FNDC1: variants seen among roughly 807,000 people sequenced by gnomAD.
FNDC1 encodes the protein fibronectin type III domain-containing protein 1.
FNDC1 carries 96 observed loss-of-function variants against 168.0 expected under a neutral mutation model. That is an observed-to-expected ratio of 0.57 (90% CI 0.48 to 0.68). The LOEUF (loss-of-function observed/expected upper bound fraction) is 0.68, where lower values mean the gene tolerates loss of function less well. Among genes scored for constraint, FNDC1 ranks in the 30% least tolerant of loss-of-function variants. FNDC1 has a pLI of 0.00. For missense variants in FNDC1, 2,587 were observed against 2,482.1 expected, an observed-to-expected ratio of 1.04 and a Z score of -0.90; for synonymous variants, 1,099 against 1,025.9, an observed-to-expected ratio of 1.07 and a Z score of -1.36.
chr6:159,201,493 T>C (rs1212003605), intron 4 of FNDC1, among the ~76,000 whole-genome samples: 1 of 152,172 alleles, frequency 6.6e-6, no homozygotes, highest in Non-Finnish European at 1.5e-5. Flanking sequence ...GCAACAGAAA[T>C]GTCTTGTAGC....
intron 1 of FNDC1, among the ~76,000 whole-genome samples, chr6:159,178,551 G>A (rs1781815167): frequency 6.6e-6 from 1 of 152,014 alleles, no homozygotes; most frequent in Non-Finnish European, 1.5e-5. Context: ...ACCTAATGTA[G>A]CCATATTTAC....
chr6:159,177,986 A>G (rs892317506), intron 1 of FNDC1, among the ~76,000 whole-genome samples: 1 of 152,216 alleles, frequency 6.6e-6, no homozygotes, highest in African/African-American at 2.4e-5. Context: ...TTCCTGTTCA[A>G]TTATAAGAAG....
Position 159,233,649 on chromosome 6 carries a change from A to T in FNDC1, c.3137A>T (p.Gln1046Leu). ...TQAGRPRPTS[Q>L]GRSHSSSDPY... Reference sequence around the variant, plus strand: ...GCCGGGCGGCCCCGCCCCACGTCGCAGGGCCGCTCCCACTCCTCCTCGGAC... The same window carrying T: ...GCCGGGCGGCCCCGCCCCACGTCGCTGGGCCGCTCCCACTCCTCCTCGGAC... The change falls in exon 11 of 23, where the codon CAG becomes CTG. Residue 1046 changes from glutamine (Q) to leucine (L), a missense_variant. By Grantham distance (113) the Gln-to-Leu change is moderately radical. Transcript: ENST00000297267. The surrounding 1 kb of genome is among the most constrained non-coding windows in gnomAD (Gnocchi z 4.6). The T allele has an allele frequency of 6.4e-7, 1 of 1,553,240 alleles. No homozygotes were observed.
At chr6:159,260,374 G>A (rs2115025640) in intron 18 of FNDC1, among the ~76,000 whole-genome samples, 1 of 152,306 alleles carries the variant, frequency 6.6e-6, no homozygotes, top group South Asian at 2.1e-4. Flanking sequence ...TCGAGACTCA[G>A]TCTCTCTCCA....
In FNDC1 at chr6:159,221,498, G is replaced by A. The variant is rs1782824005; in HGVS notation, c.668-100G>A. ...CCAGAAAGAGGAAACGGAAAAAGGG[G>A]AAGGGGAGGAGGAATGCAGAACCCC... On this transcript the variant is annotated intron_variant, in intron 5 of 22. Coordinates refer to ENST00000297267, the MANE Select transcript of FNDC1 (RefSeq NM_032532.3). 13 of 890,780 alleles carry A rather than the reference G, an allele frequency of 1.5e-5. No individual in the cohort carries two copies. In the Admixed American group the frequency reaches 2.6e-4, roughly 18 times the overall value. The allele number at this position is 890,780 out of a possible 1,614,324, so 55.2% of individuals were successfully genotyped here.
In FNDC1 at chr6:159,233,346, T is replaced by C. The variant is rs781461138; in HGVS notation, c.2834T>C (p.Leu945Pro). The C allele has an allele frequency of 1.2e-6, 2 of 1,613,930 alleles. No individual in the cohort carries two copies. Among genetic ancestry groups the C allele is most frequent in the Admixed American group, 3.3e-5 (2 of 60,014 alleles). Reference sequence around the variant, plus strand: ...CATCCTCAGGGCAAGTACTCCTCCCTGGCCTCCAAGGCTCAGGATGTTCAA... The same window carrying C: ...CATCCTCAGGGCAAGTACTCCTCCCCGGCCTCCAAGGCTCAGGATGTTCAA... ...DTHPQGKYSS[L>P]ASKAQDVQQS... The change falls in exon 11 of 23, where the codon CTG (leucine) becomes CCG (proline). Residue 945 changes from leucine to proline, a missense_variant. Leu to Pro is a moderately conservative substitution (Grantham distance 98). Coordinates refer to ENST00000297267, the MANE Select transcript of FNDC1 (RefSeq NM_032532.3). This position sits in a 1 kb window ranked among gnomAD's most constrained non-coding sequence, Gnocchi z 4.6.
Position 159,249,191 on chromosome 6 carries a change from A to C in FNDC1, c.4834+9A>C. 6.2e-7 allele frequency: 1 copy of C among 1,605,660 alleles called. No homozygotes were observed. The highest frequency in any genetic ancestry group is 1.1e-5 in the South Asian group (1 of 88,814). On this transcript the variant is annotated intron_variant, in intron 16 of 22. Coordinates refer to ENST00000297267, the MANE Select transcript of FNDC1 (RefSeq NM_032532.3). ...AAGGAAACGATTTGTTGGTAAATAT[A>C]ATGTCCTTAATCAGAGAAACATGGG...
intron 22 of FNDC1, among the ~76,000 whole-genome samples, chr6:159,268,825 TATCTATCTATC>T (rs1562315367): frequency 3.3e-3 from 100 of 30,732 alleles, no homozygotes; most frequent in Admixed American, 5.5e-3. Context: ...TCTATTCATC[TATCTATCTATC>T]TATCTATCTA....
At chr6:159,259,322 G>T (rs1777432590) in intron 18 of FNDC1, among the ~76,000 whole-genome samples, 1 of 152,164 alleles carries the variant, frequency 6.6e-6, no homozygotes, top group Non-Finnish European at 1.5e-5. Context: ...GTTTTAATGG[G>T]AATATGTCTT....
rs1562315665 is a variant in FNDC1 at position 159,269,237 on chromosome 6, C to CCA, written c.5569+1311_5569+1312insCA. Among the ~76,000 whole-genome samples the CCA allele has an allele frequency of 8.1e-4, 113 of 138,914 alleles. 1 individual carries two copies. The highest frequency in any genetic ancestry group is 2.6e-3 in the African/African-American group (87 of 34,078). The allele number at this position is 138,914 out of a possible 152,430, so 91.1% of individuals were successfully genotyped here. A position where few individuals can be genotyped will look rare whatever the true frequency, so the allele number is the denominator to read the frequency against. The stretch of plus-strand genomic sequence containing the variant: ...TCTATCTATCTATCTATCTATCTAT[C>CCA]TATCTATCTATCCATCTATCATCTA... On this transcript the variant is annotated intron_variant, in intron 22 of 22. Coordinates refer to ENST00000297267, the MANE Select transcript of FNDC1 (RefSeq NM_032532.3).
intron 1 of FNDC1, among the ~76,000 whole-genome samples, chr6:159,181,168 G>A (rs995445612): frequency 1.3e-5 from 2 of 151,936 alleles, no homozygotes; most frequent in Non-Finnish European, 2.9e-5. Context: ...CTTAATAATC[G>A]CCATTCTGAC....
At chr6:159,171,745 CTGGTATGATACATTTTTCTAAA>C (rs1781666338) in intron 1 of FNDC1, among the ~76,000 whole-genome samples, 1 of 152,182 alleles carries the variant, frequency 6.6e-6, no homozygotes, top group African/African-American at 2.4e-5. Flanking sequence ...CCTTGCCAGT[CTGGTATGATACATTTTTCTAAA>C]CACATGTGGA....
intron 15 of FNDC1, 101 bp downstream of exon 15, chr6:159,247,070 A>G (rs1777153664): frequency 2.1e-6 from 2 of 951,392 alleles, no homozygotes; most frequent in Non-Finnish European, 3.4e-6. Context: ...AGTTTCCTTT[A>G]GAGCTTTGGG....
At chr6:159,250,832 G>A (rs953786152) in intron 16 of FNDC1, among the ~76,000 whole-genome samples, 4 of 152,162 alleles carry the variant, frequency 2.6e-5, no homozygotes, top group African/African-American at 4.8e-5. Context: ...AAGCTCTAGG[G>A]AAGGCCACCC....
chr6:159,232,493 G>C lies in FNDC1; in HGVS notation c.1981G>C (p.Gly661Arg). 1 of 1,612,440 alleles carries C rather than the reference G, an allele frequency of 6.2e-7. No individual in the cohort carries two copies. Among genetic ancestry groups the C allele is most frequent in the Non-Finnish European group, 8.5e-7 (1 of 1,179,300 alleles). Residue 661 changes from glycine (G) to arginine (R), a missense_variant, in exon 11 of 23, where the codon GGC (glycine) becomes CGC (arginine). Transcript: ENST00000297267. This position sits in a 1 kb window ranked among gnomAD's most constrained non-coding sequence, Gnocchi z 4.9. ...ERAVGSLHPKGAFAQPRPALS... is the reference protein window; with the variant it reads ...ERAVGSLHPKRAFAQPRPALS... ...CGCTGTGGGCTCCCTCCACCCCAAG[G>C]GCGCCTTCGCCCAGCCCCGGCCAGC...
At position 159,232,877 on chromosome 6, in the gene FNDC1, C is replaced by T; in HGVS notation, c.2365C>T (p.His789Tyr). 1.2e-6 allele frequency: 2 copies of T among 1,613,516 alleles called. No homozygotes were observed. The highest frequency in any genetic ancestry group is 8.5e-7 in the Non-Finnish European group (1 of 1,179,872). The change falls in exon 11 of 23, where the codon CAC becomes TAC. Residue 789 changes from histidine to tyrosine, a missense_variant. By Grantham distance (83) the His-to-Tyr change is moderately conservative. Transcript: ENST00000297267. This position sits in a 1 kb window ranked among gnomAD's most constrained non-coding sequence, Gnocchi z 4.9. ...EGAEASDGES[H>Y]GDGDREDGGR... ...AGCGGAGGCTTCTGATGGTGAAAGC[C>T]ACGGTGACGGCGATAGGGAAGACGG...
chr6:159,197,307 AG>A, intron 1 of FNDC1, 123 bp from the exon 2 acceptor site: 1 of 902,328 alleles, frequency 1.1e-6, no homozygotes, highest in Non-Finnish European at 1.7e-6. Flanking sequence ...CTATCCTTAA[AG>A]TCTTTCGGAT....
At chr6:159,246,826 G>A (rs1044959311) in intron 14 of FNDC1, 75 bp from the exon 15 acceptor site, 18 of 1,026,846 alleles carry the variant, frequency 1.8e-5, no homozygotes, top group Middle Eastern at 4.1e-4. Context: ...GAATTGTCAC[G>A]CTCTGGGGCC....
intron 4 of FNDC1, among the ~76,000 whole-genome samples, chr6:159,213,703 A>AAC (rs999673512): frequency 5.2e-4 from 35 of 67,554 alleles, no homozygotes; most frequent in South Asian, 2.5e-3. Flanking sequence ...ACTAAAAACA[A>AAC]AAAAAAAAAA....
Sources: allele counts gnomAD v4.1 joint callset (sites outside exome capture counted in the v4.1 genomes callset), GRCh38; gene constraint gnomAD v4.1.1; non-coding constraint Gnocchi (gnomAD v3.1); transcripts MANE v1.5; gene names NCBI Gene and HGNC (gene_info 2026-07-23, HGNC 2026-07-21).